SDE2: variants seen among roughly 807,000 people sequenced by gnomAD.
SDE2 encodes the protein splicing regulator SDE2.
A neutral mutation model predicts 46.9 loss-of-function variants in SDE2; 31 were observed. The ratio of observed to expected loss-of-function variants is 0.66; its 90% CI spans 0.50 to 0.89. The LOEUF is 0.89. Ranked by LOEUF, SDE2 falls within the 40% of genes least tolerant of loss-of-function variation. The pLI is 0.00. For synonymous variants in SDE2, 205 were observed against 204.3 expected, an observed-to-expected ratio of 1.00 and a Z score of -0.03; for missense variants, 542 against 564.4, an observed-to-expected ratio of 0.96 and a Z score of 0.40.
At chr1:225,988,861 T>G (rs1206367570) in intron 5 of SDE2, among the ~76,000 whole-genome samples, 2 of 152,118 alleles carry the variant, frequency 1.3e-5, no homozygotes, top group African/African-American at 4.8e-5. Context: ...GAAAAAACAT[T>G]TCAATGAGAC....
At chr1:225,987,842 A>G in intron 6 of SDE2, 54 bp downstream of exon 6, 1 of 1,470,898 alleles carries the variant, frequency 6.8e-7, no homozygotes, top group Non-Finnish European at 9.2e-7. Context: ...TTAATGACTT[A>G]TTGTGGAGAT....
chr1:225,990,948 A>G (rs1326984359), intron 5 of SDE2, among the ~76,000 whole-genome samples: 2 of 152,196 alleles, frequency 1.3e-5, no homozygotes, highest in African/African-American at 2.4e-5. Context: ...TTCCACCTAG[A>G]ATTTCTAAAA....
rs756471525 is a variant in SDE2, at chr1:225,992,949, G to T, written c.292C>A (p.Arg98=). The T allele has an allele frequency of 1.2e-6, 2 of 1,613,428 alleles. No individual in the cohort carries two copies. The highest frequency in any genetic ancestry group is 1.7e-5 in the Admixed American group (1 of 60,006). The change falls in exon 3 of 7, where the codon CGA becomes AGA. Residue 98 remains arginine, a synonymous_variant. Coordinates refer to ENST00000272091, the MANE Select transcript of SDE2 (RefSeq NM_152608.4). ...CCACTGAGATCCCGACAAGCTTCTC[G>T]ATTGGTTGTCTTCTCAATCTGAGCA... ...LGAQIEKTTN[R]EACRDLSGRR... is the part of the protein sequence containing the mutation.
rs1428500209 is a variant in SDE2 at position 225,983,035 on chromosome 1, T to C, written c.*2267A>G. On this transcript the variant is annotated 3_prime_UTR_variant, in exon 7 of 7. Coordinates refer to ENST00000272091, the MANE Select transcript of SDE2 (RefSeq NM_152608.4). ...AAATTAAAATACAATTATAAAATAA[T>C]CTTATCTAAACAGGAAACATGTAAA... is the stretch of plus-strand genomic sequence containing the variant. The C allele has an allele frequency of 6.6e-6, 1 of 152,140 alleles. No individual in the cohort carries two copies. The highest frequency in any genetic ancestry group is 2.4e-5 in the African/African-American group (1 of 41,450). 9.4% of individuals were successfully genotyped at this position (152,140 alleles called of 1,614,324 possible).
chr1:225,996,259 C>A (rs1354224351), intron 1 of SDE2, among the ~76,000 whole-genome samples: 1 of 152,116 alleles, frequency 6.6e-6, no homozygotes, highest in Non-Finnish European at 1.5e-5. Flanking sequence ...ATACTGTCTA[C>A]CTCAAAGAGC....
chr1:225,989,526 G>C (rs1656346786), intron 5 of SDE2, among the ~76,000 whole-genome samples: 2 of 151,620 alleles, frequency 1.3e-5, no homozygotes, highest in African/African-American at 4.8e-5. Flanking sequence ...CTACTGGGGA[G>C]GCTGAGGCAG....
chr1:225,991,235 A>T lies in SDE2; in HGVS notation c.641+8T>A, dbSNP rs1183202059. The T allele has an allele frequency of 6.2e-7, 1 of 1,612,104 alleles. No individual in the cohort carries two copies. Among genetic ancestry groups the T allele is most frequent in the Non-Finnish European group, 8.5e-7 (1 of 1,178,470 alleles). On this transcript the variant is annotated splice_region_variant and intron_variant, in intron 5 of 6. Coordinates refer to ENST00000272091, the MANE Select transcript of SDE2 (RefSeq NM_152608.4). Reference sequence around the variant, plus strand: ...AAGATCAATTGGGAACGAAAGTGAAACACTTACCAGAAGCATCTCCTCTTT... The same window carrying T: ...AAGATCAATTGGGAACGAAAGTGAATCACTTACCAGAAGCATCTCCTCTTT...
At chr1:225,985,581 CT>C (rs1656252129) in intron 6 of SDE2, 58 bp from the exon 7 acceptor site, 2 of 1,066,500 alleles carry the variant, frequency 1.9e-6, no homozygotes, top group East Asian at 4.8e-5. Context: ...AATAAAGACT[CT>C]TTAACTGTCA....
At chr1:225,995,423 A>G in intron 1 of SDE2, 40 bp from the exon 2 acceptor site, 2 of 1,027,640 alleles carry the variant, frequency 1.9e-6, no homozygotes, top group Non-Finnish European at 3.1e-6. Context: ...TTTATGAGAT[A>G]ATAATCTAAG....
At chr1:225,992,039 C>A (rs367887768) in intron 4 of SDE2, among the ~76,000 whole-genome samples, 7 of 152,142 alleles carry the variant, frequency 4.6e-5, no homozygotes, top group African/African-American at 1.7e-4. Flanking sequence ...ATTAGCCAGG[C>A]GTGGTGGCGT....
At chr1:225,991,170 GC>G in intron 5 of SDE2, 72 bp downstream of exon 5, 1 of 1,469,994 alleles carries the variant, frequency 6.8e-7, no homozygotes, top group Non-Finnish European at 9.4e-7. Flanking sequence ...ATGTGTTTAT[GC>G]CAGATAAACA....
At chr1:225,990,506 C>T (rs908223136) in intron 5 of SDE2, among the ~76,000 whole-genome samples, 11 of 151,930 alleles carry the variant, frequency 7.2e-5, no homozygotes, top group African/African-American at 2.2e-4. Context: ...TTTCAAAAGT[C>T]GTAGAACCAA....
Position 225,985,298 on chromosome 1 carries a change from A to T in SDE2, c.*4T>A, listed in dbSNP as rs1237620069. ...AAACAAATAGGAATCAGCTCTGATG[A>T]TACTCATTTTTTCTTCCCTTTCAAA... On this transcript the variant is annotated 3_prime_UTR_variant, in exon 7 of 7. Coordinates refer to ENST00000272091, the MANE Select transcript of SDE2 (RefSeq NM_152608.4). The T allele has an allele frequency of 6.2e-7, 1 of 1,607,892 alleles. No individual in the cohort carries two copies.
intron 1 of SDE2, among the ~76,000 whole-genome samples, chr1:225,996,624 A>C (rs1656533532): frequency 6.6e-6 from 1 of 152,246 alleles, no homozygotes; most frequent in African/African-American, 2.4e-5. Flanking sequence ...TAGCACAACC[A>C]GCCTAAGGCT....
intron 2 of SDE2, among the ~76,000 whole-genome samples, chr1:225,994,378 C>T (rs1297830602): frequency 6.6e-6 from 1 of 152,154 alleles, no homozygotes; most frequent in Non-Finnish European, 1.5e-5. Flanking sequence ...GCCCAGCCCA[C>T]GCTTCATTCT....
Position 225,991,418 on chromosome 1 carries a change from A to G in SDE2, c.521-55T>C, listed in dbSNP as rs1656399448. 3 of 1,440,080 alleles carry G rather than the reference A, an allele frequency of 2.1e-6. No homozygotes were observed. The African/African-American group carries it at 4.2e-5, about 20-fold the overall frequency. The allele number at this position is 1,440,080 out of a possible 1,614,324, so 89.2% of individuals were successfully genotyped here. On this transcript the variant is annotated intron_variant, in intron 4 of 6. Coordinates refer to ENST00000272091, the MANE Select transcript of SDE2 (RefSeq NM_152608.4). Reference sequence around the variant, plus strand: ...TACTATAGGGACTAAGTTTAAAGAAATCATAAATAACATGGATTGCAAAAA... The same window carrying G: ...TACTATAGGGACTAAGTTTAAAGAAGTCATAAATAACATGGATTGCAAAAA...
rs755030895 is a variant in SDE2, at chr1:225,991,280, CTGTT to C, written c.600_603del (p.Asp202GlufsTer18). On this transcript the variant is annotated frameshift_variant, in exon 5 of 7. Coordinates refer to ENST00000272091, the MANE Select transcript of SDE2 (RefSeq NM_152608.4). LOFTEE classifies it high-confidence loss of function. The stretch of plus-strand genomic sequence containing the variant: ...CTCTTTCCCGCACTGGCTCCTCTGT[CTGTT>C]TGAGATTTAGTAGGCCATTGCCGTT... The C allele has an allele frequency of 1.0e-4, 169 of 1,613,858 alleles. No individual in the cohort carries two copies. Among genetic ancestry groups the C allele is most frequent in the Non-Finnish European group, 1.4e-4 (161 of 1,179,862 alleles).
At chr1:225,997,942 C>T (rs1205377512) in intron 1 of SDE2, among the ~76,000 whole-genome samples, 2 of 151,846 alleles carry the variant, frequency 1.3e-5, no homozygotes, top group Non-Finnish European at 2.9e-5. Flanking sequence ...ACCTGGCCAA[C>T]GTGGTGAAAC....
rs375469522 is a variant in SDE2, at chr1:225,992,494, G to A, written c.424C>T (p.Arg142Trp). ...CAGTGCTTGGGTTCTACAAGCTTCCGCTGCAGTCGCTCCAGCCGCTTCTGC... is the reference window on the plus strand; with the variant it reads ...CAGTGCTTGGGTTCTACAAGCTTCCACTGCAGTCGCTCCAGCCGCTTCTGC... ...KEQKRLERLQ[R>W]KLVEPKHCFT... The change falls in exon 4 of 7, where the codon CGG becomes TGG. Residue 142 changes from arginine (R) to tryptophan (W), a missense_variant. By Grantham distance (101) the Arg-to-Trp change is moderately radical (BLOSUM62 -3). Around this residue, in one of 3 missense-constraint regions of SDE2, gnomAD observed 401 missense variants for 437.8 expected, o/e 0.92. Transcript: ENST00000272091. The A allele has an allele frequency of 4.5e-5, 72 of 1,612,494 alleles. No homozygotes were observed. The highest frequency in any genetic ancestry group is 5.4e-5 in the Non-Finnish European group (64 of 1,179,310).
Sources: allele counts gnomAD v4.1 joint callset (sites outside exome capture counted in the v4.1 genomes callset), GRCh38; gene constraint gnomAD v4.1.1; regional missense constraint gnomAD v4.1.1; transcripts MANE v1.5; gene names NCBI Gene and HGNC (gene_info 2026-07-23, HGNC 2026-07-21).